ASTN2: variants seen among roughly 807,000 people sequenced by gnomAD.
ASTN2 encodes the protein astrotactin-2.
ASTN2 carries 54 observed loss-of-function variants against 139.8 expected under a neutral mutation model. The observed-to-expected ratio is 0.39, with a 90% confidence interval of 0.31 to 0.48. The LOEUF is 0.48. Among genes scored for constraint, ASTN2 ranks in the 20% least tolerant of loss-of-function variants. ASTN2 has a pLI of 0.95. For missense variants in ASTN2, 1,565 were observed against 1,725.1 expected (o/e 0.91, Z 1.64); for synonymous variants, 756 against 719.5 (o/e 1.05, Z -0.81).
chr9:116,831,630 A>G (rs1831817455), intron 11 of ASTN2, among the ~76,000 whole-genome samples: 1 of 152,210 alleles, frequency 6.6e-6, no homozygotes, highest in Admixed American at 6.5e-5. Flanking sequence ...AGATAAAAGT[A>G]TAATATGATA....
At chr9:117,353,844 A>G (rs770033689) in intron 1 of ASTN2, among the ~76,000 whole-genome samples, 2 of 152,190 alleles carry the variant, frequency 1.3e-5, no homozygotes, top group South Asian at 4.1e-4. Context: ...GACATTCTGG[A>G]AAAAAGAAAA....
intron 2 of ASTN2, among the ~76,000 whole-genome samples, chr9:117,246,340 G>A (rs942526433): frequency 2.6e-5 from 4 of 152,112 alleles, no homozygotes; most frequent in Admixed American, 2.6e-4. Flanking sequence ...GTTTTCATTA[G>A]GGGAGAAACC....
chr9:116,655,708 T>C lies in ASTN2; in HGVS notation c.2807-3915A>G, dbSNP rs112606692. Among the ~76,000 whole-genome samples, 948 of 152,228 alleles carry C rather than the reference T, an allele frequency of 6.2e-3. 6 individuals are homozygous for C. The highest frequency in any genetic ancestry group is 0.031 in the South Asian group (151 of 4,816). The stretch of plus-strand genomic sequence containing the variant: ...AACGTACACCAAGATTTTTTTTATA[T>C]ATATACAGCGTCTCACTCTGTCACT... On this transcript the variant is annotated intron_variant, in intron 16 of 22. Coordinates refer to ENST00000313400, the MANE Select transcript of ASTN2 (RefSeq NM_001365068.1).
rs10116172 is a variant in ASTN2, at chr9:116,669,032, G to A, written c.2807-17239C>T. On this transcript the variant is annotated intron_variant, in intron 16 of 22. Transcript: ENST00000313400. ...GTAGGAGGTGAGACTCAGCTCTGGA[G>A]GTGGGGATTCAGACACTGGACCAGA... 5.2e-3 allele frequency among the ~76,000 whole-genome samples: 798 copies of A among 152,262 alleles called. 5 individuals are homozygous for A. Among genetic ancestry groups the A allele is most frequent in the African/African-American group, 0.018 (762 of 41,548 alleles).
chr9:116,702,288 T>C (rs1827846954), intron 16 of ASTN2, among the ~76,000 whole-genome samples: 1 of 152,030 alleles, frequency 6.6e-6, no homozygotes, highest in South Asian at 2.1e-4. Flanking sequence ...GTTACTCTTT[T>C]ATCTAGTTGC....
At chr9:116,737,928 C>T (rs1054756915) in intron 13 of ASTN2, among the ~76,000 whole-genome samples, 2 of 152,048 alleles carry the variant, frequency 1.3e-5, no homozygotes, top group Non-Finnish European at 2.9e-5. Flanking sequence ...CGCGGTGGCT[C>T]ACGCCTGTAA....
At chr9:116,618,262 G>A in intron 19 of ASTN2, 62 bp downstream of exon 19, 1 of 1,534,680 alleles carries the variant, frequency 6.5e-7, no homozygotes, top group South Asian at 1.3e-5. Flanking sequence ...AAAGACAGTA[G>A]AAAATCCCAG....
chr9:117,374,401 T>C (rs1445471017), intron 1 of ASTN2, among the ~76,000 whole-genome samples: 2 of 128,664 alleles, frequency 1.6e-5, no homozygotes, highest in East Asian at 4.3e-4. Context: ...AAAGCACAGA[T>C]CGCAGCCCGC....
chr9:116,530,634 CA>C (rs1851303689), intron 19 of ASTN2, among the ~76,000 whole-genome samples: 1 of 151,842 alleles, frequency 6.6e-6, no homozygotes, highest in Admixed American at 6.6e-5. Context: ...GTAACTAAAA[CA>C]AGAAAATATC....
chr9:116,428,447 C>T (rs1847379835), intron 22 of ASTN2, among the ~76,000 whole-genome samples: 1 of 151,986 alleles, frequency 6.6e-6, no homozygotes, highest in Non-Finnish European at 1.5e-5. Context: ...TCATTTGAAA[C>T]CGTAAGGCGG....
intron 20 of ASTN2, among the ~76,000 whole-genome samples, chr9:116,477,993 C>T (rs1278012083): frequency 6.7e-6 from 1 of 148,730 alleles, no homozygotes; most frequent in Non-Finnish European, 1.5e-5. Flanking sequence ...AAACAGAGGG[C>T]AGAGGGGGAA....
intron 10 of ASTN2, among the ~76,000 whole-genome samples, chr9:116,887,185 TA>T: frequency 2.6e-5 from 4 of 152,196 alleles, no homozygotes; most frequent in South Asian, 4.1e-4. Flanking sequence ...TAAATAAACT[TA>T]CATGGCAAAT....
At chr9:116,833,850 C>T (rs1268352901) in intron 11 of ASTN2, among the ~76,000 whole-genome samples, 1 of 152,174 alleles carries the variant, frequency 6.6e-6, no homozygotes, top group African/African-American at 2.4e-5. Flanking sequence ...GTGATTAGGT[C>T]ACAAGAGTTA....
At chr9:117,060,376 A>AAGAT (rs1200192715) in intron 5 of ASTN2, among the ~76,000 whole-genome samples, 1 of 74,714 alleles carries the variant, frequency 1.3e-5, no homozygotes, top group African/African-American at 7.3e-5. Flanking sequence ...GAAAGAAAGA[A>AAGAT]AGAAAGAAAG....
chr9:116,760,316 C>A (rs201965704), intron 13 of ASTN2, among the ~76,000 whole-genome samples: 1 of 152,152 alleles, frequency 6.6e-6, no homozygotes, highest in Non-Finnish European at 1.5e-5. Flanking sequence ...AAGTATGGGG[C>A]AGCATTTGTG....
intron 13 of ASTN2, among the ~76,000 whole-genome samples, chr9:116,796,963 C>T (rs1383935351): frequency 6.6e-6 from 1 of 151,726 alleles, no homozygotes; most frequent in African/African-American, 2.4e-5. Flanking sequence ...TGCTGCACAA[C>T]ACCATGTTCA....
At chr9:117,185,320 C>T (rs6478288) in intron 3 of ASTN2, among the ~76,000 whole-genome samples, 25,538 of 152,154 alleles carry the variant, frequency 0.17, 2,254 homozygotes, top group Non-Finnish European at 0.19. Flanking sequence ...CTAAGCTGAG[C>T]TTTTCACAAA....
chr9:116,641,841 C>T (rs1857346531), intron 17 of ASTN2, among the ~76,000 whole-genome samples: 3 of 151,866 alleles, frequency 2.0e-5, no homozygotes, highest in Admixed American at 6.6e-5. Flanking sequence ...ATTACTTCTC[C>T]CTCTTTTCTT....
intron 10 of ASTN2, among the ~76,000 whole-genome samples, chr9:116,888,157 G>A (rs1833666083): frequency 6.6e-6 from 1 of 152,126 alleles, no homozygotes; most frequent in Non-Finnish European, 1.5e-5. Flanking sequence ...AATCTCAACA[G>A]ATTGGGAGGC....
Sources: gnomAD v4.1 joint callset for allele counts (sites outside exome capture counted in the v4.1 genomes callset) on GRCh38, gnomAD v4.1.1 for gene constraint, MANE v1.5 for transcripts, NCBI Gene and HGNC (gene_info 2026-07-23, HGNC 2026-07-21) for gene names.